The following FLG variants were observed in gnomAD, a reference collection of about 807,000 sequenced individuals.
FLG encodes filaggrin.
A neutral mutation model predicts 3.8 loss-of-function variants in FLG; 6 were observed. That is an observed-to-expected ratio of 1.60 (90% confidence interval 0.87 to 3.15). FLG has a LOEUF of 3.15. Among genes scored for constraint, FLG ranks in the 30% most tolerant of loss-of-function variants. The pLI is 0.00. For missense variants in FLG, 7,595 were observed against 5,050.9 expected (o/e 1.50, Z -15.27); for synonymous variants, 2,551 against 1,931.6 (o/e 1.32, Z -8.41).
chr1:152,324,080 T>C (rs955199945), intron 1 of FLG, among the ~76,000 whole-genome samples: 3 of 145,216 alleles, frequency 2.1e-5, no homozygotes, highest in African/African-American at 7.4e-5. Context: ...GAATCATGGA[T>C]AACTTCTAGA....
rs768149687 is a variant in FLG, at chr1:152,309,409, C to T, written c.5477G>A (p.Gly1826Glu). The T allele has an allele frequency of 1.2e-6, 2 of 1,613,714 alleles. No homozygotes were observed. Among genetic ancestry groups the T allele is most frequent in the South Asian group, 2.2e-5 (2 of 91,058 alleles). ...HPGSSRGGRQ[G>E]SHYEQSVDSS... ...ATCTACCGATTGCTCATAGTGGGAT[C>T]CCTGCCTTCCTCCTCTGCTTGACCC... is the stretch of plus-strand genomic sequence containing the variant. The change falls in exon 3 of 3, where the codon GGA becomes GAA. Residue 1826 changes from glycine (G) to glutamate (E), a missense_variant. Gly to Glu is a moderately conservative substitution (Grantham distance 98). Coordinates refer to ENST00000368799, the MANE Select transcript of FLG (RefSeq NM_002016.2).
At position 152,312,603 on chromosome 1, in the gene FLG, T is replaced by C. The variant is rs11204979; in HGVS notation, c.2283A>G (p.Ser761=). The C allele has an allele frequency of 3.2e-6, 5 of 1,553,418 alleles. No homozygotes were observed. Among genetic ancestry groups the C allele is most frequent in the Non-Finnish European group, 3.6e-6 (4 of 1,125,838 alleles). The part of the protein sequence containing the change: ...EGHSEDSDTQ[S]VSGHGQAGHH... ...GACCAGCCTGTCCATGGCCTGACAC[T>C]GACTGTGTGTCTGAGTCTTCTGAAT... Residue 761 remains serine (S), a synonymous_variant, in exon 3 of 3, where the codon TCA becomes TCG. Coordinates refer to ENST00000368799, the MANE Select transcript of FLG (RefSeq NM_002016.2).
chr1:152,323,606 G>C (rs1211804717), intron 1 of FLG, among the ~76,000 whole-genome samples: 1 of 151,076 alleles, frequency 6.6e-6, no homozygotes. Flanking sequence ...ACCCACCAAA[G>C]TGACTAAAAA....
chr1:152,322,161 G>C (rs775809656), intron 1 of FLG, among the ~76,000 whole-genome samples: 6 of 151,032 alleles, frequency 4.0e-5, no homozygotes, highest in African/African-American at 2.4e-5. Context: ...TGAAATGAAA[G>C]CTTTCATCTC....
Position 152,313,832 on chromosome 1 carries a change from T to C in FLG, c.1054A>G (p.Ser352Gly). The C allele has an allele frequency of 1.2e-6, 2 of 1,614,164 alleles. No homozygotes were observed. Among genetic ancestry groups the C allele is most frequent in the Non-Finnish European group, 1.7e-6 (2 of 1,180,008 alleles). The change falls in exon 3 of 3, where the codon AGC becomes GGC. Residue 352 changes from serine (S) to glycine (G), a missense_variant. Coordinates refer to ENST00000368799, the MANE Select transcript of FLG (RefSeq NM_002016.2). ...DRASHGHSADSSRQSGTRHAE... is the reference protein window; with the variant it reads ...DRASHGHSADGSRQSGTRHAE... ...TGACGAGTGCCTGATTGTCTGGAGC[T>C]GTCTGCAGAGTGCCCATGACTGGCT...
chr1:152,320,896 T>C (rs1245042723), intron 1 of FLG, among the ~76,000 whole-genome samples: 1 of 150,920 alleles, frequency 6.6e-6, no homozygotes, highest in Non-Finnish European at 1.5e-5. Context: ...AATCTTTAAG[T>C]GTTTGAAAAT....
Position 152,309,313 on chromosome 1 carries a change from T to A in FLG, c.5573A>T (p.Gln1858Leu). 6.2e-7 allele frequency: 1 copy of A among 1,613,898 alleles called. No homozygotes were observed. The highest frequency in any genetic ancestry group is 1.7e-5 in the Admixed American group (1 of 59,994). Residue 1858 changes from glutamine to leucine, a missense_variant, in exon 3 of 3, where the codon CAG becomes CTG. Coordinates refer to ENST00000368799, the MANE Select transcript of FLG (RefSeq NM_002016.2). Reference sequence around the variant, plus strand: ...TCTGCTGACACTTCTGGATCCTGACTGCCCACGGGAGACATCAGACCTTTC... The same window carrying A: ...TCTGCTGACACTTCTGGATCCTGACAGCCCACGGGAGACATCAGACCTTTC... ...SQERSDVSRG[Q>L]SGSRSVSRQT... is the part of the protein sequence containing the mutation.
In FLG at chr1:152,320,352, C is replaced by A. The variant is rs115365473; in HGVS notation, c.-22+4837G>T. Among the ~76,000 whole-genome samples the A allele has an allele frequency of 5.7e-3, 856 of 150,556 alleles. 4 individuals are homozygous for A. The highest frequency in any genetic ancestry group is 0.017 in the Middle Eastern group (5 of 292). On this transcript the variant is annotated intron_variant, in intron 1 of 2. Coordinates refer to ENST00000368799, the MANE Select transcript of FLG (RefSeq NM_002016.2). The stretch of plus-strand genomic sequence containing the variant: ...GGCTGTCAGACTGGATTAAAAAAAA[C>A]CAACTGTATTCTGCTTATAAGAGAC...
Position 152,305,272 on chromosome 1 carries a change from G to T in FLG, c.9614C>A (p.Ser3205Tyr), listed in dbSNP as rs762990535. Reference protein sequence around the residue: ...SQAVQGQSEGSRRSRRQGSSV... With the variant: ...SQAVQGQSEGYRRSRRQGSSV... ...GGATCCCTGGCGCCTGCTTCTCCTG[G>T]ACCCCTCTGATTGTCCCTGGACTGC... The change falls in exon 3 of 3, where the codon TCC (serine) becomes TAC (tyrosine). Residue 3205 changes from serine to tyrosine, a missense_variant. Transcript: ENST00000368799. The T allele has an allele frequency of 1.2e-6, 2 of 1,612,020 alleles. No homozygotes were observed. Among genetic ancestry groups the T allele is most frequent in the East Asian group, 2.2e-5 (1 of 44,576 alleles).
chr1:152,307,476 A>T lies in FLG; in HGVS notation c.7410T>A (p.Ser2470Arg), dbSNP rs200926982. ...CGTAGTGGGATCCCTGCCTTCCTCCACTGCTTGACCCCGGGTGTCCATGAA... is the reference window on the plus strand; with the variant it reads ...CGTAGTGGGATCCCTGCCTTCCTCCTCTGCTTGACCCCGGGTGTCCATGAA... The part of the protein sequence containing the change: ...DTIHGHPGSS[S>R]GGRQGSHYEQ... Residue 2470 changes from serine (S) to arginine (R), a missense_variant, in exon 3 of 3, where the codon AGT (serine) becomes AGA (arginine). Transcript: ENST00000368799. The T allele has an allele frequency of 3.2e-5, 51 of 1,612,192 alleles. No homozygotes were observed. Among genetic ancestry groups the T allele is most frequent in the Admixed American group, 2.0e-4 (12 of 59,750 alleles).
rs777802145 is a variant in FLG, at chr1:152,307,707, C to T, written c.7179G>A (p.Gln2393=). 1.2e-6 allele frequency: 2 copies of T among 1,613,412 alleles called. No homozygotes were observed. Among genetic ancestry groups the T allele is most frequent in the Non-Finnish European group, 1.7e-6 (2 of 1,179,882 alleles). The change falls in exon 3 of 3, where the codon CAG becomes CAA. Residue 2393 remains glutamine (Q), a synonymous_variant. Coordinates refer to ENST00000368799, the MANE Select transcript of FLG (RefSeq NM_002016.2). ...CACGTGTGGACTCTTGGTGGCTCTG[C>T]TGATGGGGCCCAGCCTGTCCGTGGG... ...VSAHGQAGPH[Q]QSHQESTRGR...
rs752302548 is a variant in FLG, at chr1:152,314,155, T to A, written c.731A>T (p.Tyr244Phe). 17 of 1,614,228 alleles carry A rather than the reference T, an allele frequency of 1.1e-5. No homozygotes were observed. Among genetic ancestry groups the A allele is most frequent in the Non-Finnish European group, 1.4e-5 (16 of 1,180,038 alleles). The change falls in exon 3 of 3, where the codon TAT (tyrosine) becomes TTT (phenylalanine). Residue 244 changes from tyrosine (Y) to phenylalanine (F), a missense_variant. Physicochemically the swap from Tyr to Phe is conservative, Grantham distance 22. Coordinates refer to ENST00000368799, the MANE Select transcript of FLG (RefSeq NM_002016.2). ...ATYYTIQDEA[Y>F]DTTDSLLEEN... Reference sequence around the variant, plus strand: ...TTCTAATAGACTATCAGTGGTGTCATAGGCTTCATCCTGGATTGTGTAATA... The same window carrying A: ...TTCTAATAGACTATCAGTGGTGTCAAAGGCTTCATCCTGGATTGTGTAATA...
rs764270878 is a variant in FLG, at chr1:152,313,420, G to A, written c.1466C>T (p.Thr489Ile). The change falls in exon 3 of 3, where the codon ACT becomes ATT. Residue 489 changes from threonine to isoleucine, a missense_variant. Physicochemically the swap from Thr to Ile is moderately conservative, Grantham distance 89. Transcript: ENST00000368799. Reference sequence around the variant, plus strand: ...GTGGTGCGATCCTTGTCTTCCTCCAGTGCTGGTCCCGGTCCGTCCATGGGC... The same window carrying A: ...GTGGTGCGATCCTTGTCTTCCTCCAATGCTGGTCCCGGTCCGTCCATGGGC... ...DSAHGRTGTS[T>I]GGRQGSHHEQ... 3.1e-6 allele frequency: 5 copies of A among 1,613,852 alleles called. No homozygotes were observed. In the South Asian group the frequency reaches 4.4e-5, roughly 14 times the overall value.
rs1269392843 is a variant in FLG, at chr1:152,315,360, G to A, written c.97C>T (p.Leu33=). ...KNTDTLSKKE[L]KELLEKEFRQ... is the part of the protein sequence containing the mutation. The stretch of plus-strand genomic sequence containing the variant: ...AATTCCTTTTCCAGAAGTTCCTTCA[G>A]CTCTTTTTTACTCAATGTGTCAGTG... Residue 33 remains leucine, a synonymous_variant, in exon 2 of 3, where the codon CTG becomes TTG. Transcript: ENST00000368799. 1.2e-6 allele frequency: 2 copies of A among 1,613,182 alleles called. No individual in the cohort carries two copies. Among genetic ancestry groups the A allele is most frequent in the East Asian group, 4.5e-5 (2 of 44,750 alleles).
In FLG at chr1:152,302,550, G is replaced by A. The variant is rs2101634170; in HGVS notation, c.*150C>T. The A allele has an allele frequency of 1.0e-6, 1 of 972,554 alleles. No homozygotes were observed. Among genetic ancestry groups the A allele is most frequent in the Non-Finnish European group, 1.5e-6 (1 of 672,954 alleles). The allele number at this position is 972,554 out of a possible 1,614,324, so 60.2% of individuals were successfully genotyped here. On this transcript the variant is annotated 3_prime_UTR_variant, in exon 3 of 3. Transcript: ENST00000368799. ...AAAGATCATTACACAATAAAAATAA[G>A]CTACCACCAAACTAATGAAATACTA...
At position 152,311,529 on chromosome 1, in the gene FLG, G is replaced by T; in HGVS notation, c.3357C>A (p.Tyr1119Ter). The change falls in exon 3 of 3, where the codon TAC becomes TAA. Residue 1119 changes from tyrosine to a stop codon, truncating the protein, a stop_gained. Coordinates refer to ENST00000368799, the MANE Select transcript of FLG (RefSeq NM_002016.2). LOFTEE classifies it low-confidence loss of function (END_TRUNC). Reference sequence around the variant, plus strand: ...CAGACTGTTCATGAGTGCTCACCTGGTAGATGAAAGACCCTGAACGTCCAG... The same window carrying T: ...CAGACTGTTCATGAGTGCTCACCTGTTAGATGAAAGACCCTGAACGTCCAG... ...GRSGRSGSFIYQVSTHEQSES... is the reference protein window; with the variant it reads ...GRSGRSGSFI 2 of 1,613,842 alleles carry T rather than the reference G, an allele frequency of 1.2e-6. No individual in the cohort carries two copies. Among genetic ancestry groups the T allele is most frequent in the Non-Finnish European group, 1.7e-6 (2 of 1,179,990 alleles).
chr1:152,312,607 T>C lies in FLG; in HGVS notation c.2279A>G (p.Gln760Arg), dbSNP rs1652529910. 2.5e-6 allele frequency: 4 copies of C among 1,613,546 alleles called. No individual in the cohort carries two copies. Among genetic ancestry groups the C allele is most frequent in the Non-Finnish European group, 2.5e-6 (3 of 1,179,788 alleles). Residue 760 changes from glutamine (Q) to arginine (R), a missense_variant, in exon 3 of 3, where the codon CAG becomes CGG. Gln to Arg is a conservative substitution (Grantham distance 43). Coordinates refer to ENST00000368799, the MANE Select transcript of FLG (RefSeq NM_002016.2). ...SEGHSEDSDT[Q>R]SVSGHGQAGH... ...AGCCTGTCCATGGCCTGACACTGACTGTGTGTCTGAGTCTTCTGAATGTCC... is the reference window on the plus strand; with the variant it reads ...AGCCTGTCCATGGCCTGACACTGACCGTGTGTCTGAGTCTTCTGAATGTCC...
Position 152,321,511 on chromosome 1 carries a change from G to A in FLG, c.-22+3678C>T, listed in dbSNP as rs372395933. ...CTATCGAGGTTTTAGACATTAGAAA[G>A]ATGACAAGAGCATATTATAAAAAAC... On this transcript the variant is annotated intron_variant, in intron 1 of 2. Transcript: ENST00000368799. Among the ~76,000 whole-genome samples the A allele has an allele frequency of 7.4e-4, 111 of 151,010 alleles. 3 individuals carry two copies. In the South Asian group the frequency reaches 0.023, roughly 31 times the overall value.
In FLG at chr1:152,312,188, C is replaced by A; in HGVS notation, c.2698G>T (p.Glu900Ter). 1.2e-6 allele frequency: 2 copies of A among 1,613,914 alleles called. No homozygotes were observed. The highest frequency in any genetic ancestry group is 2.2e-5 in the East Asian group (1 of 44,838). The change falls in exon 3 of 3, where the codon GAA becomes TAA. Residue 900 changes from glutamate to a stop codon, truncating the protein, a stop_gained. Coordinates refer to ENST00000368799, the MANE Select transcript of FLG (RefSeq NM_002016.2). LOFTEE classifies it low-confidence loss of function (END_TRUNC). ...RSASRTTRNE[E>*]QSRDGSRHSG... ...TGCCTGGAGCCGTCTCTTGATTGTT[C>A]CTCATTACGTGTTGTTCTGCTTGCA...
Sources: gnomAD v4.1 joint callset for allele counts (sites outside exome capture counted in the v4.1 genomes callset) on GRCh38, gnomAD v4.1.1 for gene constraint, MANE v1.5 for transcripts, NCBI Gene and HGNC (gene_info 2026-07-23, HGNC 2026-07-21) for gene names.